SYCP2L: variants seen among roughly 807,000 people sequenced by gnomAD.
SYCP2L encodes the protein synaptonemal complex protein 2-like.
In SYCP2L, 98 loss-of-function variants were observed where a neutral mutation model predicts 125.8. That is an observed-to-expected ratio of 0.78 (90% CI 0.66 to 0.92). The LOEUF (loss-of-function observed/expected upper bound fraction) is 0.92, where lower values mean the gene tolerates loss of function less well. SYCP2L is among the 40% of genes least tolerant of loss of function. SYCP2L has a pLI of 0.00. For missense variants in SYCP2L, 842 were observed against 936.4 expected (o/e 0.90, Z 1.32); for synonymous variants, 317 against 325.4 (o/e 0.97, Z 0.28).
intron 21 of SYCP2L, among the ~76,000 whole-genome samples, chr6:10,941,280 A>G (rs950145439): frequency 2.0e-5 from 3 of 152,234 alleles, no homozygotes; most frequent in Non-Finnish European, 2.9e-5. Flanking sequence ...AGCAATGGCA[A>G]CAAAAGCCAA....
chr6:10,946,004 T>C (rs1781309611), intron 23 of SYCP2L, among the ~76,000 whole-genome samples: 1 of 152,128 alleles, frequency 6.6e-6, no homozygotes, highest in Non-Finnish European at 1.5e-5. Flanking sequence ...TAATGTTATA[T>C]ATATAACTTG....
At chr6:10,926,077 G>A (rs933222339) in intron 15 of SYCP2L, among the ~76,000 whole-genome samples, 1 of 152,142 alleles carries the variant, frequency 6.6e-6, no homozygotes. Context: ...GTAAGACCTG[G>A]GCCAGAGACA....
At position 10,961,853 on chromosome 6, in the gene SYCP2L, A is replaced by G. The variant is rs75368299; in HGVS notation, c.2414+295A>G. ...AATTAAAATGGTTAGATTTTGAGAA[A>G]AATGTTTAGGTTTCTAAGTAAACAG... On this transcript the variant is annotated intron_variant, in intron 28 of 29. Coordinates refer to ENST00000283141, the MANE Select transcript of SYCP2L (RefSeq NM_001040274.3). Among the ~76,000 whole-genome samples, 894 of 152,342 alleles carry G rather than the reference A, an allele frequency of 5.9e-3. 11 individuals are homozygous for G. Among genetic ancestry groups the G allele is most frequent in the African/African-American group, 0.02 (850 of 41,576 alleles).
intron 29 of SYCP2L, among the ~76,000 whole-genome samples, chr6:10,965,990 G>C (rs1486832130): frequency 6.6e-6 from 1 of 152,142 alleles, no homozygotes; most frequent in Non-Finnish European, 1.5e-5. Flanking sequence ...ATGGGCAACT[G>C]TTATCCCAGC....
At chr6:10,942,831 T>G in intron 23 of SYCP2L, 85 bp downstream of exon 23, 1 of 1,259,214 alleles carries the variant, frequency 7.9e-7, no homozygotes, top group Non-Finnish European at 1.1e-6. Flanking sequence ...TTACTCAGAT[T>G]GCAGATCAAG....
chr6:10,939,703 T>A (rs1039410818), intron 21 of SYCP2L, among the ~76,000 whole-genome samples: 6 of 152,216 alleles, frequency 3.9e-5, no homozygotes, highest in Non-Finnish European at 8.8e-5. Context: ...CTTTGTTTTA[T>A]ACCATATACA....
intron 14 of SYCP2L, among the ~76,000 whole-genome samples, chr6:10,918,900 A>G (rs753204991): frequency 6.6e-6 from 1 of 152,138 alleles, no homozygotes; most frequent in Non-Finnish European, 1.5e-5. Context: ...CATTTCTGTA[A>G]GTTGTCCATT....
rs1193622137 is a variant in SYCP2L, at chr6:10,935,149, T to C, written c.1775T>C (p.Phe592Ser). The change falls in exon 21 of 30, where the codon TTT (phenylalanine) becomes TCT (serine). Residue 592 changes from phenylalanine (F) to serine (S), a missense_variant. By Grantham distance (155) the Phe-to-Ser change is radical. Transcript: ENST00000283141. The part of the protein sequence containing the change: ...KTSEQKFQDS[F>S]AFLTAEDSAQ... ...TCTGAACAAAAATTCCAAGATAGTT[T>C]TGCTTTTTTGACTGCTGAAGATTCT... 1.2e-6 allele frequency: 2 copies of C among 1,613,292 alleles called. No individual in the cohort carries two copies. The highest frequency in any genetic ancestry group is 2.2e-5 in the South Asian group (2 of 90,800).
intron 24 of SYCP2L, 30 bp from the exon 25 acceptor site, chr6:10,956,106 T>G: frequency 6.4e-7 from 1 of 1,557,228 alleles, no homozygotes; most frequent in Non-Finnish European, 8.8e-7. Flanking sequence ...CTTTGTTAGT[T>G]TTATTCCATG....
intron 23 of SYCP2L, among the ~76,000 whole-genome samples, chr6:10,949,656 TCTTA>T (rs758021515): frequency 2.6e-5 from 4 of 152,232 alleles, no homozygotes; most frequent in East Asian, 1.9e-4. Flanking sequence ...TAGTAACTCT[TCTTA>T]CTTAGTTAAT....
chr6:10,928,344 A>T (rs1780934127), intron 17 of SYCP2L, 59 bp from the exon 18 acceptor site: 5 of 796,864 alleles, frequency 6.3e-6, no homozygotes, highest in Non-Finnish European at 1.0e-5. Context: ...TAAAAGTATT[A>T]ATTTGGGGAA....
chr6:10,929,535 A>T (rs1000494628), intron 18 of SYCP2L, among the ~76,000 whole-genome samples: 3 of 152,270 alleles, frequency 2.0e-5, no homozygotes, highest in Admixed American at 2.0e-4. Context: ...AAATATAAAT[A>T]TCAAAGTACA....
intron 4 of SYCP2L, 133 bp downstream of exon 4, chr6:10,894,337 A>G: frequency 3.4e-6 from 4 of 1,189,442 alleles, no homozygotes; most frequent in Non-Finnish European, 4.8e-6. Context: ...ATCCATTCTT[A>G]TTGCTTCTGT....
At chr6:10,956,374 G>A in intron 25 of SYCP2L, 132 bp downstream of exon 25, 1 of 675,726 alleles carries the variant, frequency 1.5e-6, no homozygotes. Flanking sequence ...CTCAGAAACA[G>A]GGAGGAGAAG....
intron 1 of SYCP2L, among the ~76,000 whole-genome samples, chr6:10,890,844 G>C (rs1780160289): frequency 6.6e-6 from 1 of 151,972 alleles, no homozygotes; most frequent in Admixed American, 6.6e-5. Flanking sequence ...TTTATTTTGA[G>C]TTGATTTTTG....
At chr6:10,907,337 C>A (rs114010126) in intron 9 of SYCP2L, among the ~76,000 whole-genome samples, 2,485 of 147,902 alleles carry the variant, frequency 0.017, 70 homozygotes, top group African/African-American at 0.061. Context: ...TCCAGGGTGA[C>A]AGAGTGAGAC....
intron 23 of SYCP2L, among the ~76,000 whole-genome samples, chr6:10,952,536 T>G (rs938026887): frequency 1.3e-5 from 2 of 150,544 alleles, no homozygotes; most frequent in East Asian, 1.9e-4. Context: ...GGTGGAACAT[T>G]GAAATTCAAG....
intron 23 of SYCP2L, among the ~76,000 whole-genome samples, chr6:10,946,736 T>C (rs901768372): frequency 2.6e-5 from 4 of 152,096 alleles, no homozygotes; most frequent in Non-Finnish European, 5.9e-5. Flanking sequence ...TCCTTTTTTT[T>C]CCCTCCTCAA....
chr6:10,917,825 TGTA>T (rs1780716937), intron 14 of SYCP2L, among the ~76,000 whole-genome samples: 3 of 152,202 alleles, frequency 2.0e-5, no homozygotes, highest in Admixed American at 1.3e-4. Context: ...TAGCAGTTCT[TGTA>T]GTGGTGGCTT....
Sources: gnomAD v4.1 joint callset for allele counts (sites outside exome capture counted in the v4.1 genomes callset) on GRCh38, gnomAD v4.1.1 for gene constraint, MANE v1.5 for transcripts, NCBI Gene and HGNC (gene_info 2026-07-23, HGNC 2026-07-21) for gene names.